FRY: variants seen among roughly 807,000 people sequenced by gnomAD.
FRY encodes the protein protein furry homolog.
In FRY, 128 loss-of-function variants were observed where a neutral mutation model predicts 348.4. The observed-to-expected ratio is 0.37, with a 90% CI of 0.32 to 0.43. The LOEUF is 0.43. FRY is among the 20% of genes least tolerant of loss of function. The pLI, the probability that FRY is intolerant of heterozygous loss-of-function variation, is 1.00. For missense variants in FRY, 2,736 were observed against 3,695.2 expected, an observed-to-expected ratio of 0.74 and a Z score of 6.73; for synonymous variants, 1,370 against 1,374.7, an observed-to-expected ratio of 1.00 and a Z score of 0.08.
At chr13:32,049,845 T>TA (rs1485826936) in intron 1 of FRY, among the ~76,000 whole-genome samples, 3 of 152,220 alleles carry the variant, frequency 2.0e-5, no homozygotes, top group East Asian at 3.9e-4. Flanking sequence ...TAATGTATGA[T>TA]AAAAAACATG....
At chr13:32,291,513 C>A (rs1470665295) in intron 59 of FRY, among the ~76,000 whole-genome samples, 4 of 151,638 alleles carry the variant, frequency 2.6e-5, no homozygotes, top group Non-Finnish European at 5.9e-5. Context: ...TCAAGCGATT[C>A]TCCTGCCTCA....
At chr13:32,207,315 A>G (rs539647610) in intron 31 of FRY, among the ~76,000 whole-genome samples, 2 of 152,144 alleles carry the variant, frequency 1.3e-5, no homozygotes, top group Non-Finnish European at 2.9e-5. Flanking sequence ...CCATAAAACT[A>G]TTCTGAGTCT....
chr13:32,199,727 T>A (rs1472296828), intron 29 of FRY, among the ~76,000 whole-genome samples: 6 of 152,230 alleles, frequency 3.9e-5, no homozygotes, highest in Non-Finnish European at 5.9e-5. Flanking sequence ...TATATTCATG[T>A]CATAAAAATT....
At chr13:32,149,610 C>T (rs1880675218) in intron 13 of FRY, 138 bp from the exon 14 acceptor site, 3 of 674,958 alleles carry the variant, frequency 4.4e-6, no homozygotes, top group South Asian at 3.2e-5. Flanking sequence ...TCCAGGTTCT[C>T]TGCAAGCCAC....
intron 1 of FRY, among the ~76,000 whole-genome samples, chr13:32,042,881 G>A (rs938327266): frequency 1.3e-5 from 2 of 152,174 alleles, no homozygotes; most frequent in South Asian, 4.1e-4. Context: ...TGAGACAAGG[G>A]ACTTATACCT....
At chr13:32,107,690 T>C (rs1049864326) in intron 3 of FRY, among the ~76,000 whole-genome samples, 1 of 152,110 alleles carries the variant, frequency 6.6e-6, no homozygotes, top group Admixed American at 6.6e-5. Flanking sequence ...TACAATCAGA[T>C]AAATGATAAC....
intron 49 of FRY, among the ~76,000 whole-genome samples, chr13:32,250,260 ATTCAGGGGTC>A (rs1362247756): frequency 6.6e-6 from 1 of 152,232 alleles, no homozygotes; most frequent in Admixed American, 6.5e-5. Context: ...CTTCTGCATT[ATTCAGGGGTC>A]TTCTGTTGAC....
chr13:32,105,848 A>G (rs1475528515), intron 3 of FRY, among the ~76,000 whole-genome samples: 1 of 152,066 alleles, frequency 6.6e-6, no homozygotes, highest in Admixed American at 6.6e-5. Context: ...AGAGCTAGGT[A>G]TCTACTGTTT....
At chr13:32,143,982 G>A (rs1850477703) in intron 11 of FRY, among the ~76,000 whole-genome samples, 1 of 152,072 alleles carries the variant, frequency 6.6e-6, no homozygotes, top group African/African-American at 2.4e-5. Flanking sequence ...TATAAGGCAA[G>A]GATGGATTCA....
chr13:32,232,800 A>G (rs1885991642), intron 41 of FRY, among the ~76,000 whole-genome samples: 1 of 152,202 alleles, frequency 6.6e-6, no homozygotes, highest in African/African-American at 2.4e-5. Context: ...TGTGGCTGGA[A>G]AGAAAAAGAA....
intron 1 of FRY, among the ~76,000 whole-genome samples, chr13:32,054,149 G>A (rs1191807324): frequency 6.6e-6 from 1 of 151,970 alleles, no homozygotes; most frequent in East Asian, 1.9e-4. Context: ...ACGAAAATAT[G>A]AAAACCCTGC....
At chr13:32,165,029 G>A (rs949019919) in intron 17 of FRY, among the ~76,000 whole-genome samples, 1 of 152,156 alleles carries the variant, frequency 6.6e-6, no homozygotes, top group African/African-American at 2.4e-5. Context: ...CATACACCGT[G>A]CTATACAATG....
chr13:32,146,485 G>C (rs531501696), intron 11 of FRY, among the ~76,000 whole-genome samples: 1 of 151,996 alleles, frequency 6.6e-6, no homozygotes, highest in African/African-American at 2.4e-5. Context: ...ACAGGCACCC[G>C]CCACCAGGCC....
chr13:32,236,263 A>G lies in FRY; in HGVS notation c.5810+91A>G, dbSNP rs1017816611. Reference sequence around the variant, plus strand: ...GACTTTAGGAAAAGTACAAAGAAAAAATCTAGTTTTTGAAGTATATTTATG... The same window carrying G: ...GACTTTAGGAAAAGTACAAAGAAAAGATCTAGTTTTTGAAGTATATTTATG... On this transcript the variant is annotated intron_variant, in intron 43 of 60. Coordinates refer to ENST00000542859, the MANE Select transcript of FRY (RefSeq NM_023037.3). 1.6e-5 allele frequency: 16 copies of G among 988,118 alleles called. No individual in the cohort carries two copies. The Admixed American group carries it at 1.7e-4, about 10-fold the overall frequency. 61.2% of individuals were successfully genotyped at this position (988,118 alleles called of 1,614,324 possible).
At chr13:32,133,203 T>C (rs904088774) in intron 8 of FRY, among the ~76,000 whole-genome samples, 1 of 152,224 alleles carries the variant, frequency 6.6e-6, no homozygotes, top group Non-Finnish European at 1.5e-5. Context: ...ACATAAATTA[T>C]GTCACAATAA....
chr13:32,232,587 C>T (rs145628260), intron 41 of FRY, among the ~76,000 whole-genome samples: 1 of 152,180 alleles, frequency 6.6e-6, no homozygotes, highest in Admixed American at 6.5e-5. Context: ...TGTGCCACCC[C>T]CTAGGCTGAG....
chr13:32,288,154 G>A (rs1889166911), intron 58 of FRY, among the ~76,000 whole-genome samples: 3 of 152,224 alleles, frequency 2.0e-5, no homozygotes, highest in Non-Finnish European at 4.4e-5. Flanking sequence ...GAAAGGCAGA[G>A]TTTTCATAGC....
intron 53 of FRY, 136 bp downstream of exon 53, chr13:32,262,611 A>C (rs548139428): frequency 1.4e-6 from 1 of 739,288 alleles, no homozygotes; most frequent in Non-Finnish European, 2.3e-6. Context: ...TCTTTTTTAA[A>C]ATAATAGAAG....
At chr13:32,111,090 A>G (rs1877925442) in intron 3 of FRY, among the ~76,000 whole-genome samples, 2 of 152,186 alleles carry the variant, frequency 1.3e-5, no homozygotes, top group Non-Finnish European at 1.5e-5. Flanking sequence ...AAGGGAAATT[A>G]TTGCAAAAAA....
Sources: allele counts gnomAD v4.1 joint callset (sites outside exome capture counted in the v4.1 genomes callset), GRCh38; gene constraint gnomAD v4.1.1; transcripts MANE v1.5; gene names NCBI Gene and HGNC (gene_info 2026-07-23, HGNC 2026-07-21).